The following PLSCR4 variants were observed in gnomAD, a reference collection of about 807,000 sequenced individuals.
PLSCR4 encodes the protein phospholipid scramblase 4.
In PLSCR4, 25 loss-of-function variants were observed where a neutral mutation model predicts 36.3. The ratio of observed to expected loss-of-function variants is 0.69; its 90% CI spans 0.50 to 0.96. The LOEUF is 0.96. Among genes scored for constraint, PLSCR4 ranks in the 40% least tolerant of loss-of-function variants. The pLI is 0.00. For missense variants in PLSCR4, 408 were observed against 414.7 expected, an observed-to-expected ratio of 0.98 and a Z score of 0.14; for synonymous variants, 122 against 132.9, an observed-to-expected ratio of 0.92 and a Z score of 0.56.
At position 146,220,934 on chromosome 3, in the gene PLSCR4, G is replaced by A; in HGVS notation, c.8-9C>T. 6.6e-7 allele frequency: 1 copy of A among 1,518,950 alleles called. No homozygotes were observed. Among genetic ancestry groups the A allele is most frequent in the South Asian group, 1.1e-5 (1 of 87,166 alleles). 94.1% of individuals were successfully genotyped at this position (1,518,950 alleles called of 1,614,324 possible). On this transcript the variant is annotated splice_polypyrimidine_tract_variant and intron_variant, in intron 2 of 8. Coordinates refer to ENST00000354952, the MANE Select transcript of PLSCR4 (RefSeq NM_020353.3). ...GGCTGTGGGTACCACACCTTCAGGG[G>A]AAGACAGGGAACATGACTTACAAAG...
At chr3:146,207,811 A>G (rs570079369) in intron 3 of PLSCR4, among the ~76,000 whole-genome samples, 1 of 152,250 alleles carries the variant, frequency 6.6e-6, no homozygotes, top group Non-Finnish European at 1.5e-5. Context: ...TCCATCAAGG[A>G]ACCTAGATTT....
chr3:146,199,831 GC>G lies in PLSCR4; in HGVS notation c.605del (p.Cys202SerfsTer42). ...PFRCTCCCFC[C>X]PSARQELEVQ... ...CTCTGACCTCTTGTCTGGCAGAGGG[GC>G]AACAGAAGCAACAGCAGGTGCATCT... On this transcript the variant is annotated frameshift_variant, in exon 6 of 9. Transcript: ENST00000354952. LOFTEE classifies it high-confidence loss of function. 1 of 1,612,632 alleles carries G rather than the reference GC, an allele frequency of 6.2e-7. No individual in the cohort carries two copies. Among genetic ancestry groups the G allele is most frequent in the Non-Finnish European group, 8.5e-7 (1 of 1,179,084 alleles).
chr3:146,210,150 T>C (rs2034542526), intron 3 of PLSCR4, among the ~76,000 whole-genome samples: 1 of 152,124 alleles, frequency 6.6e-6, no homozygotes, highest in African/African-American at 2.4e-5. Context: ...AATGCTAATA[T>C]AAATTGTTTT....
intron 1 of PLSCR4, among the ~76,000 whole-genome samples, chr3:146,233,408 A>G (rs2035797954): frequency 6.6e-6 from 1 of 152,150 alleles, no homozygotes; most frequent in South Asian, 2.1e-4. Context: ...GTTACATTTC[A>G]ATTTAAAGCT....
intron 1 of PLSCR4, among the ~76,000 whole-genome samples, chr3:146,244,196 T>C (rs563936809): frequency 6.6e-6 from 1 of 152,278 alleles, no homozygotes; most frequent in East Asian, 1.9e-4. Context: ...TGCTTTCTGA[T>C]GGTTCAACGT....
At chr3:146,203,309 A>C (rs2034140503) in intron 4 of PLSCR4, among the ~76,000 whole-genome samples, 1 of 151,962 alleles carries the variant, frequency 6.6e-6, no homozygotes, top group Non-Finnish European at 1.5e-5. Flanking sequence ...ATCTCCTTAT[A>C]CGTCTCCATC....
Position 146,194,321 on chromosome 3 carries a change from C to A in PLSCR4, c.*90G>T. 1 of 855,672 alleles carries A rather than the reference C, an allele frequency of 1.2e-6. No individual in the cohort carries two copies. The highest frequency in any genetic ancestry group is 2.0e-6 in the Non-Finnish European group (1 of 505,150). The allele number at this position is 855,672 out of a possible 1,614,324, so 53.0% of individuals were successfully genotyped here. ...AAATACTCTACAAAGCAAAGAAATA[C>A]ACTTGCAAATAACTGAGTGCTGACT... On this transcript the variant is annotated 3_prime_UTR_variant, in exon 9 of 9. Transcript: ENST00000354952.
At chr3:146,213,715 G>A (rs2034748259) in intron 3 of PLSCR4, among the ~76,000 whole-genome samples, 1 of 152,118 alleles carries the variant, frequency 6.6e-6, no homozygotes, top group African/African-American at 2.4e-5. Context: ...ATATAAGTCT[G>A]TTAAGGTTTC....
rs969306557 is a variant in PLSCR4, at chr3:146,205,313, T to C, written c.354+1213A>G. 3.3e-5 allele frequency among the ~76,000 whole-genome samples: 5 copies of C among 152,050 alleles called. No individual in the cohort carries two copies. The East Asian group carries it at 5.8e-4, about 18-fold the overall frequency. On this transcript the variant is annotated intron_variant, in intron 4 of 8. Transcript: ENST00000354952. ...ATTGTACCAAATCCTGTATATACTATGCACAAATTTTTCTTTTCTTCTTTA... is the reference window on the plus strand; with the variant it reads ...ATTGTACCAAATCCTGTATATACTACGCACAAATTTTTCTTTTCTTCTTTA...
chr3:146,239,912 C>T (rs1382075664), intron 1 of PLSCR4, among the ~76,000 whole-genome samples: 1 of 151,660 alleles, frequency 6.6e-6, no homozygotes, highest in Non-Finnish European at 1.5e-5. Context: ...TACTTAAATG[C>T]AAAAGATAAA....
At chr3:146,227,464 G>A (rs73865364) in intron 1 of PLSCR4, among the ~76,000 whole-genome samples, 1,689 of 152,194 alleles carry the variant, frequency 0.011, 33 homozygotes, top group African/African-American at 0.038. Context: ...GGATATCACC[G>A]CAGCACCCAA....
intron 3 of PLSCR4, among the ~76,000 whole-genome samples, chr3:146,210,973 T>A (rs2034588610): frequency 6.6e-6 from 1 of 152,076 alleles, no homozygotes; most frequent in Non-Finnish European, 1.5e-5. Flanking sequence ...AGGTATTGTT[T>A]AATCAGTCAA....
At chr3:146,236,821 A>AAC (rs1328399019) in intron 1 of PLSCR4, among the ~76,000 whole-genome samples, 1 of 152,198 alleles carries the variant, frequency 6.6e-6, no homozygotes, top group African/African-American at 2.4e-5. Context: ...CTAACTTCAA[A>AAC]TGAAATGATA....
chr3:146,239,891 GA>G (rs1212366774), intron 1 of PLSCR4, among the ~76,000 whole-genome samples: 20 of 145,222 alleles, frequency 1.4e-4, no homozygotes, highest in East Asian at 4.0e-4. Flanking sequence ...CTCAAAAAAA[GA>G]AAAAAAAAAT....
chr3:146,246,547 A>T (rs1474164546), intron 1 of PLSCR4, among the ~76,000 whole-genome samples: 1 of 151,610 alleles, frequency 6.6e-6, no homozygotes, highest in Admixed American at 6.6e-5. Flanking sequence ...TTTAAAGAGA[A>T]TATCAGGTGT....
chr3:146,196,687 A>G lies in PLSCR4; in HGVS notation c.731T>C (p.Met244Thr). The G allele has an allele frequency of 6.2e-7, 1 of 1,612,866 alleles. No homozygotes were observed. Among genetic ancestry groups the G allele is most frequent in the Non-Finnish European group, 8.5e-7 (1 of 1,178,884 alleles). Residue 244 changes from methionine to threonine, a missense_variant, in exon 7 of 9, where the codon ATG becomes ACG. Transcript: ENST00000354952. ...GGTTGAGCATGGCCCACGAACTCTCATCACATTTTCTTTCTTCTCATTTTG... is the reference window on the plus strand; with the variant it reads ...GGTTGAGCATGGCCCACGAACTCTCGTCACATTTTCTTTCTTCTCATTTTG... ...SIQNEKKENV[M>T]RVRGPCSTYG...
chr3:146,204,256 A>C (rs1377643701), intron 4 of PLSCR4, among the ~76,000 whole-genome samples: 1 of 152,024 alleles, frequency 6.6e-6, no homozygotes, highest in Non-Finnish European at 1.5e-5. Context: ...TGTAATCTTC[A>C]TGTGAGATCT....
At chr3:146,232,748 C>G (rs1017319101) in intron 1 of PLSCR4, among the ~76,000 whole-genome samples, 2 of 152,046 alleles carry the variant, frequency 1.3e-5, no homozygotes, top group Non-Finnish European at 2.9e-5. Flanking sequence ...GGGCAAAGAC[C>G]ATGGCAGTTT....
chr3:146,232,560 G>A (rs116487047), intron 1 of PLSCR4, among the ~76,000 whole-genome samples: 2,570 of 152,026 alleles, frequency 0.017, 78 homozygotes, highest in African/African-American at 0.058. Context: ...TTTCACCTCC[G>A]CAGTTAGCTG....
Sources: gnomAD v4.1 joint callset for allele counts (sites outside exome capture counted in the v4.1 genomes callset) on GRCh38, gnomAD v4.1.1 for gene constraint, MANE v1.5 for transcripts, NCBI Gene and HGNC (gene_info 2026-07-23, HGNC 2026-07-21) for gene names.